Variants in ADGRL2 observed in about 807,000 individuals in gnomAD.
ADGRL2 encodes the protein calcium-independent alpha-latrotoxin receptor 2.
ADGRL2 carries 44 observed loss-of-function variants against 157.4 expected under a neutral mutation model. The ratio of observed to expected loss-of-function variants is 0.28; its 90% CI spans 0.22 to 0.36. ADGRL2 has a LOEUF of 0.36. Ranked by LOEUF, ADGRL2 falls within the 10% of genes least tolerant of loss-of-function variation. The probability of loss-of-function intolerance (pLI) is 1.00; values close to 1 mark genes in which losing one functional copy is unlikely to be tolerated. For synonymous variants in ADGRL2, 585 were observed against 624.7 expected (o/e 0.94, Z 0.95); for missense variants, 1,510 against 1,768.9 (o/e 0.85, Z 2.63).
intron 3 of ADGRL2, among the ~76,000 whole-genome samples, chr1:81,644,883 T>G (rs2082283905): frequency 6.6e-6 from 1 of 152,188 alleles, no homozygotes; most frequent in Admixed American, 6.6e-5. Flanking sequence ...AAATAAAATT[T>G]ATTTAAAAAC....
At chr1:81,981,137 A>G (rs749260861) in intron 18 of ADGRL2, 10 of 435,266 alleles carry the variant, frequency 2.3e-5, no homozygotes, top group Non-Finnish European at 4.6e-5. Context: ...TGAAGATAAT[A>G]AGCCATTTAT....
chr1:81,902,973 A>T (rs1455265365), intron 2 of ADGRL2, among the ~76,000 whole-genome samples: 1 of 152,236 alleles, frequency 6.6e-6, no homozygotes, highest in East Asian at 1.9e-4. Context: ...AAGAAAACAG[A>T]GCAAGTTGTT....
intron 2 of ADGRL2, among the ~76,000 whole-genome samples, chr1:81,490,610 A>G (rs1242192514): frequency 6.6e-6 from 1 of 152,182 alleles, no homozygotes; most frequent in African/African-American, 2.4e-5. Context: ...GGATACTACT[A>G]ACACCCACAA....
chr1:81,908,331 C>A (rs906664512), intron 3 of ADGRL2, among the ~76,000 whole-genome samples: 1 of 152,178 alleles, frequency 6.6e-6, no homozygotes, highest in African/African-American at 2.4e-5. Flanking sequence ...TCCCTCTTAT[C>A]CTCCTAACTA....
At chr1:81,753,625 C>A (rs1218334734) in intron 1 of ADGRL2, among the ~76,000 whole-genome samples, 4 of 152,062 alleles carry the variant, frequency 2.6e-5, no homozygotes, top group Non-Finnish European at 5.9e-5. Flanking sequence ...AAGCAAAATA[C>A]AAAAGTACAT....
intron 1 of ADGRL2, among the ~76,000 whole-genome samples, chr1:81,718,167 G>A (rs988303127): frequency 2.0e-5 from 3 of 152,030 alleles, no homozygotes; most frequent in Admixed American, 6.6e-5. Flanking sequence ...CCACAGGCAC[G>A]CGCCACCATG....
intron 2 of ADGRL2, among the ~76,000 whole-genome samples, chr1:81,567,108 TGTG>T (rs1557468167): frequency 1.3e-5 from 2 of 152,068 alleles, no homozygotes; most frequent in African/African-American, 4.8e-5. Context: ...TTATTAACAA[TGTG>T]GGGATCAGAG....
At chr1:81,346,633 C>T (rs1662501475) in intron 1 of ADGRL2, among the ~76,000 whole-genome samples, 1 of 152,172 alleles carries the variant, frequency 6.6e-6, no homozygotes, top group Non-Finnish European at 1.5e-5. Context: ...TCCCCACTCC[C>T]TACCCCTCCA....
intron 3 of ADGRL2, among the ~76,000 whole-genome samples, chr1:81,636,660 A>G (rs1418161551): frequency 2.6e-5 from 4 of 152,176 alleles, no homozygotes; most frequent in African/African-American, 9.6e-5. Context: ...CGCCAGAACC[A>G]TTAATTTATG....
intron 2 of ADGRL2, among the ~76,000 whole-genome samples, chr1:81,500,795 CTG>C (rs1293821122): frequency 6.6e-6 from 1 of 152,098 alleles, no homozygotes; most frequent in Non-Finnish European, 1.5e-5. Flanking sequence ...TGTCACTGAA[CTG>C]TGTACTTAAA....
chr1:81,691,379 C>G (rs1280975882), intron 3 of ADGRL2, among the ~76,000 whole-genome samples: 2 of 151,622 alleles, frequency 1.3e-5, no homozygotes, highest in Non-Finnish European at 2.9e-5. Flanking sequence ...TAACCAAAAC[C>G]TCTGTAAGTA....
chr1:81,800,768 G>T (rs368084170), upstream of ADGRL2, among the ~76,000 whole-genome samples: 8 of 151,594 alleles, frequency 5.3e-5, no homozygotes, highest in Admixed American at 2.6e-4. Flanking sequence ...CGCAGTGAGT[G>T]GAGTTTGGGG....
At chr1:81,902,753 A>C (rs1419447801) in intron 2 of ADGRL2, among the ~76,000 whole-genome samples, 3 of 152,180 alleles carry the variant, frequency 2.0e-5, no homozygotes, top group Non-Finnish European at 4.4e-5. Context: ...ACAACTAGAG[A>C]ACTTTTCCAT....
In ADGRL2 at chr1:81,747,842, T is replaced by A. The variant is rs567327192; in HGVS notation, c.-142-13969T>A. 2.6e-5 allele frequency among the ~76,000 whole-genome samples: 4 copies of A among 152,080 alleles called. No individual in the cohort carries two copies. The South Asian group carries it at 8.3e-4, about 32-fold the overall frequency. On this transcript the variant is annotated intron_variant, in intron 1 of 20. Coordinates refer to the ADGRL2 transcript ENST00000359929. ...GGATTTTTTCATTTAATTCTGGGAA[T>A]CTTATTTATAAATGCTGACTTTAGA...
chr1:81,350,725 CAATTTA>C (rs1261671723), intron 1 of ADGRL2, among the ~76,000 whole-genome samples: 4 of 152,134 alleles, frequency 2.6e-5, no homozygotes, highest in Non-Finnish European at 5.9e-5. Flanking sequence ...TCACATTATG[CAATTTA>C]ACATTTTTTG....
At chr1:81,876,271 G>A (rs113477286) in intron 2 of ADGRL2, among the ~76,000 whole-genome samples, 6 of 151,986 alleles carry the variant, frequency 3.9e-5, no homozygotes, top group African/African-American at 9.6e-5. Context: ...TTTTTGAAGC[G>A]GATACTTGTA....
At position 81,721,258 on chromosome 1, in the gene ADGRL2, C is replaced by A. The variant is rs1433484334; in HGVS notation, c.-143+21450C>A. Among the ~76,000 whole-genome samples the A allele has an allele frequency of 2.6e-5, 4 of 151,688 alleles. No homozygotes were observed. The East Asian group carries it at 7.7e-4, about 29-fold the overall frequency. On this transcript the variant is annotated intron_variant, in intron 1 of 20. Coordinates refer to the ADGRL2 transcript ENST00000359929. ...GTCACTCTCATCTCTGAATTATAATCAAAATTTAACTCAAAACCTCTTTTA... is the reference window on the plus strand; with the variant it reads ...GTCACTCTCATCTCTGAATTATAATAAAAATTTAACTCAAAACCTCTTTTA...
chr1:81,366,086 T>C (rs998908167), intron 1 of ADGRL2, among the ~76,000 whole-genome samples: 1 of 152,166 alleles, frequency 6.6e-6, no homozygotes, highest in Non-Finnish European at 1.5e-5. Flanking sequence ...TTACAGACTG[T>C]CATTCTTTTT....
At chr1:81,688,288 C>G (rs1020978185) in intron 3 of ADGRL2, among the ~76,000 whole-genome samples, 12 of 152,142 alleles carry the variant, frequency 7.9e-5, no homozygotes, top group African/African-American at 2.9e-4. Flanking sequence ...GAATTCTCTT[C>G]TTCCTCAGGA....
Sources: gnomAD v4.1 joint callset for allele counts (sites outside exome capture counted in the v4.1 genomes callset) on GRCh38, gnomAD v4.1.1 for gene constraint, MANE v1.5 for transcripts, NCBI Gene and HGNC (gene_info 2026-07-23, HGNC 2026-07-21) for gene names.